CETP: variants seen among roughly 807,000 people sequenced by gnomAD.
CETP encodes the protein cholesteryl ester transfer protein, also known as BPI fold containing family F.
CETP carries 56 observed loss-of-function variants against 66.5 expected under a neutral mutation model. The observed-to-expected ratio is 0.84, with a 90% CI of 0.68 to 1.05. The LOEUF (loss-of-function observed/expected upper bound fraction) is 1.05, where lower values mean the gene tolerates loss of function less well. CETP is among the 50% of genes least tolerant of loss of function. The pLI is 0.00. For missense variants in CETP, 612 were observed against 609.6 expected (o/e 1.00, Z -0.04); for synonymous variants, 251 against 245.7 (o/e 1.02, Z -0.20).
At position 56,973,437 on chromosome 16, in the gene CETP, T is replaced by C; in HGVS notation, c.857T>C (p.Val286Ala). ...CTGTACTTCTGGTTCTCTGAGCGAG[T>C]CTTCCACTCGCTGGCCAAGGTAGCT... ...RMLYFWFSER[V>A]FHSLAKVAFQ... The change falls in exon 9 of 16, where the codon GTC (valine) becomes GCC (alanine). Residue 286 changes from valine to alanine, a missense_variant. Physicochemically the swap from Val to Ala is moderately conservative, Grantham distance 64. Coordinates refer to ENST00000200676, the MANE Select transcript of CETP (RefSeq NM_000078.3). 3 of 1,614,170 alleles carry C rather than the reference T, an allele frequency of 1.9e-6. No homozygotes were observed. The highest frequency in any genetic ancestry group is 2.2e-5 in the South Asian group (2 of 91,086).
intron 11 of CETP, 68 bp downstream of exon 11, chr16:56,978,323 G>C: frequency 6.3e-7 from 1 of 1,599,260 alleles, no homozygotes; most frequent in Non-Finnish European, 8.6e-7. Flanking sequence ...AGAGGGCAGG[G>C]GCCTGGGGGT....
At position 56,978,153 on chromosome 16, in the gene CETP, C is replaced by A. The variant is rs764846568; in HGVS notation, c.1044C>A (p.Ile348=). 3.7e-6 allele frequency: 6 copies of A among 1,614,250 alleles called. No individual in the cohort carries two copies. Among genetic ancestry groups the A allele is most frequent in the Non-Finnish European group, 5.1e-6 (6 of 1,180,042 alleles). Residue 348 remains isoleucine (I), a synonymous_variant, in exon 11 of 16, where the codon ATC becomes ATA. Transcript: ENST00000200676. ...TCCACTGCCTCAAGATGCCCAAGAT[C>A]TCCTGCCAAAACAAGGGAGTCGTGG... The part of the protein sequence containing the change: ...VTVHCLKMPK[I]SCQNKGVVVN...
At chr16:56,978,323 G>A (rs2056165036) in intron 11 of CETP, 68 bp downstream of exon 11, 2 of 1,599,260 alleles carry the variant, frequency 1.3e-6, no homozygotes, top group East Asian at 2.2e-5. Flanking sequence ...AGAGGGCAGG[G>A]GCCTGGGGGT....
chr16:56,976,730 C>T (rs2056152705), intron 10 of CETP, among the ~76,000 whole-genome samples: 1 of 152,090 alleles, frequency 6.6e-6, no homozygotes, highest in South Asian at 2.1e-4. Flanking sequence ...CACGTTGGGC[C>T]ATCTCATTCC....
intron 13 of CETP, among the ~76,000 whole-genome samples, 194 bp downstream of exon 13, chr16:56,981,874 G>T (rs924609042): frequency 6.6e-6 from 1 of 152,154 alleles, no homozygotes; most frequent in African/African-American, 2.4e-5. Context: ...TTGCAAAAAT[G>T]AGAGTGTGGT....
chr16:56,968,366 T>C (rs1361869773), intron 2 of CETP, among the ~76,000 whole-genome samples: 2 of 152,140 alleles, frequency 1.3e-5, no homozygotes. Flanking sequence ...TTTTGTATTT[T>C]TGTGGAGACG....
intron 11 of CETP, 41 bp from the exon 12 acceptor site, chr16:56,981,117 G>A (rs773311643): frequency 1.4e-6 from 2 of 1,477,194 alleles, no homozygotes; most frequent in Admixed American, 3.3e-5. Flanking sequence ...TCTGCTTCGG[G>A]AAGAGCCCTG....
At chr16:56,969,584 G>C (rs375874272) in intron 3 of CETP, 27 bp from the exon 4 acceptor site, 23 of 1,614,126 alleles carry the variant, frequency 1.4e-5, no homozygotes, top group Non-Finnish European at 1.9e-5. Context: ...GGCTGAATGA[G>C]GGTCCTGGGT....
Position 56,981,673 on chromosome 16 carries a change from T to G in CETP, c.1241T>G (p.Leu414Trp). 6.2e-7 allele frequency: 1 copy of G among 1,613,934 alleles called. No individual in the cohort carries two copies. The highest frequency in any genetic ancestry group is 8.5e-7 in the Non-Finnish European group (1 of 1,179,814). ...FQITPKTVSN[L>W]TESSSESVQS... is the part of the protein sequence containing the mutation. ...ATTACACCAAAGACTGTTTCCAACTTGACTGAGGTAGGTAGTCTTGGATAG... is the reference window on the plus strand; with the variant it reads ...ATTACACCAAAGACTGTTTCCAACTGGACTGAGGTAGGTAGTCTTGGATAG... The change falls in exon 13 of 16, where the codon TTG becomes TGG. Residue 414 changes from leucine (L) to tryptophan (W), a missense_variant. Coordinates refer to ENST00000200676, the MANE Select transcript of CETP (RefSeq NM_000078.3).
intron 2 of CETP, among the ~76,000 whole-genome samples, chr16:56,963,648 C>T (rs1361271090): frequency 6.6e-6 from 1 of 151,958 alleles, no homozygotes; most frequent in African/African-American, 2.4e-5. Flanking sequence ...ACATCCTCAC[C>T]TTTATCATAT....
chr16:56,981,779 C>A, intron 13 of CETP, 99 bp downstream of exon 13: 1 of 1,210,490 alleles, frequency 8.3e-7, no homozygotes, highest in Non-Finnish European at 1.2e-6. Context: ...GGCAACCAGA[C>A]CAAAAGAATG....
At chr16:56,974,095 G>T (rs766249451) in intron 9 of CETP, among the ~76,000 whole-genome samples, 1 of 152,108 alleles carries the variant, frequency 6.6e-6, no homozygotes, top group Non-Finnish European at 1.5e-5. Context: ...CCTTGGTTTC[G>T]GGTCTGGTCT....
chr16:56,973,154 C>T (rs935439147), intron 8 of CETP, among the ~76,000 whole-genome samples, 177 bp from the exon 9 acceptor site: 5 of 152,172 alleles, frequency 3.3e-5, no homozygotes, highest in Admixed American at 6.6e-5. Flanking sequence ...GTGGGCACTC[C>T]GGAAGTATTT....
intron 9 of CETP, 46 bp downstream of exon 9, chr16:56,973,556 GTA>G (rs765955727): frequency 5.7e-5 from 92 of 1,606,722 alleles, no homozygotes; most frequent in Non-Finnish European, 7.6e-5. Context: ...ATGGCATGTG[GTA>G]TGTGTGTGTG....
Position 56,982,150 on chromosome 16 carries a change from G to A in CETP, c.1249-15G>A, listed in dbSNP as rs1270973278. 6.2e-7 allele frequency: 1 copy of A among 1,613,652 alleles called. No individual in the cohort carries two copies. The highest frequency in any genetic ancestry group is 1.7e-5 in the Admixed American group (1 of 60,014). ...GTGCTCCAGGGAGGACTCACCATGG[G>A]CATTTGATTGGCAGAGCAGCTCCGA... On this transcript the variant is annotated splice_polypyrimidine_tract_variant and intron_variant, in intron 13 of 15. Coordinates refer to ENST00000200676, the MANE Select transcript of CETP (RefSeq NM_000078.3).
intron 2 of CETP, among the ~76,000 whole-genome samples, chr16:56,968,134 G>A (rs2056081446): frequency 6.6e-6 from 1 of 151,938 alleles, no homozygotes; most frequent in Non-Finnish European, 1.5e-5. Flanking sequence ...CATAGTAGGA[G>A]TATATATTTA....
chr16:56,981,505 T>C (rs2056187620), intron 12 of CETP, 142 bp from the exon 13 acceptor site: 1 of 1,058,414 alleles, frequency 9.4e-7, no homozygotes, highest in Non-Finnish European at 1.5e-6. Context: ...CTCAAGGGAA[T>C]AGCAAATCTC....
At chr16:56,966,198 C>T (rs564532217) in intron 2 of CETP, among the ~76,000 whole-genome samples, 2 of 152,336 alleles carry the variant, frequency 1.3e-5, no homozygotes, top group African/African-American at 4.8e-5. Flanking sequence ...AACCAGATTC[C>T]TTCTGGGGGC....
chr16:56,977,987 C>A, intron 10 of CETP, 104 bp from the exon 11 acceptor site: 2 of 1,445,800 alleles, frequency 1.4e-6, no homozygotes, highest in Non-Finnish European at 1.9e-6. Context: ...TTTTCCCCAG[C>A]CCTGGGGCCC....
Sources: gnomAD v4.1 joint callset for allele counts (sites outside exome capture counted in the v4.1 genomes callset) on GRCh38, gnomAD v4.1.1 for gene constraint, MANE v1.5 for transcripts, NCBI Gene and HGNC (gene_info 2026-07-23, HGNC 2026-07-21) for gene names.